ATP13A4: variants seen among roughly 807,000 people sequenced by gnomAD.
The protein encoded by ATP13A4 is ATPase 13A4.
Under a neutral mutation model 142.5 loss-of-function variants are expected in ATP13A4, and 114 were observed. The observed-to-expected ratio is 0.80, with a 90% CI of 0.69 to 0.93. The LOEUF (loss-of-function observed/expected upper bound fraction) is 0.93, where lower values mean the gene tolerates loss of function less well. ATP13A4 is among the 40% of genes least tolerant of loss of function. The pLI is 0.00. For missense variants in ATP13A4, 1,392 were observed against 1,454.0 expected (o/e 0.96, Z 0.69); for synonymous variants, 488 against 514.8 (o/e 0.95, Z 0.70).
chr3:193,412,005 A>G (rs1714787878), intron 27 of ATP13A4, among the ~76,000 whole-genome samples, 173 bp downstream of exon 27: 1 of 152,218 alleles, frequency 6.6e-6, no homozygotes, highest in Admixed American at 6.5e-5. Flanking sequence ...TTTGAAGGAA[A>G]GAGCAAAGAA....
chr3:193,442,739 T>C (rs995990394), intron 18 of ATP13A4, among the ~76,000 whole-genome samples, 183 bp from the exon 19 acceptor site: 10 of 152,218 alleles, frequency 6.6e-5, no homozygotes, highest in African/African-American at 2.4e-4. Context: ...TCTTACTGCT[T>C]TTCGTCAGGT....
intron 8 of ATP13A4, among the ~76,000 whole-genome samples, chr3:193,471,629 T>C (rs1413478401): frequency 1.3e-5 from 2 of 150,992 alleles, no homozygotes; most frequent in African/African-American, 4.9e-5. Flanking sequence ...TAAAAACAGA[T>C]CTCCAGCAAA....
upstream of ATP13A4, among the ~76,000 whole-genome samples, chr3:193,557,599 T>C (rs1265916166): frequency 6.6e-6 from 1 of 152,236 alleles, no homozygotes; most frequent in African/African-American, 2.4e-5. Context: ...AGACATTAAG[T>C]AATTTGCCTA....
At chr3:193,484,036 A>C (rs1719461636) in intron 7 of ATP13A4, 31 bp from the exon 8 acceptor site, 1 of 1,544,928 alleles carries the variant, frequency 6.5e-7, no homozygotes. Context: ...GAAAAGTCTT[A>C]TCTATTTGAG....
At chr3:193,559,056 G>C (rs890365052), upstream of ATP13A4, among the ~76,000 whole-genome samples, 1 of 152,166 alleles carries the variant, frequency 6.6e-6, no homozygotes, top group Non-Finnish European at 1.5e-5. Flanking sequence ...CCAGGGCCGT[G>C]GGGATGCTGA....
intron 1 of ATP13A4, among the ~76,000 whole-genome samples, chr3:193,551,922 C>T (rs1035948829): frequency 7.2e-5 from 11 of 152,152 alleles, no homozygotes; most frequent in Admixed American, 3.9e-4. Flanking sequence ...CCTAGGGTTG[C>T]TCTTTAGTTC....
At chr3:193,579,676 A>G (rs1724491213) in intron 2 of ATP13A4, among the ~76,000 whole-genome samples, 2 of 152,070 alleles carry the variant, frequency 1.3e-5, no homozygotes, top group African/African-American at 4.8e-5. Context: ...TTTCTATGCC[A>G]GCCCTTACAA....
chr3:193,411,004 G>A lies in ATP13A4; in HGVS notation c.3275C>T (p.Pro1092Leu). Residue 1092 changes from proline (P) to leucine (L), a missense_variant, in exon 28 of 30, where the codon CCA becomes CTA. Coordinates refer to ENST00000342695, the MANE Select transcript of ATP13A4 (RefSeq NM_032279.4). ...VCLFILFADIPELYRRLDLLC... is the reference protein window; with the variant it reads ...VCLFILFADILELYRRLDLLC... ...TACATCCAAACGTCTATATAATTCT[G>A]GTATATCAGCAAATAGAATGAATAG... is the stretch of plus-strand genomic sequence containing the variant. 6.2e-7 allele frequency: 1 copy of A among 1,606,992 alleles called. No homozygotes were observed. Among genetic ancestry groups the A allele is most frequent in the Non-Finnish European group, 8.5e-7 (1 of 1,174,050 alleles).
chr3:193,483,047 C>T (rs1719384182), intron 8 of ATP13A4, among the ~76,000 whole-genome samples: 1 of 151,842 alleles, frequency 6.6e-6, no homozygotes, highest in Admixed American at 6.6e-5. Context: ...CTGAGATAGC[C>T]TCAGAAATAA....
intron 7 of ATP13A4, among the ~76,000 whole-genome samples, chr3:193,488,778 T>C (rs1719780513): frequency 6.6e-6 from 1 of 152,096 alleles, no homozygotes; most frequent in Non-Finnish European, 1.5e-5. Context: ...GAGAAGAAAT[T>C]GTTTTGTTTG....
At chr3:193,567,196 A>C (rs981617885) in intron 2 of ATP13A4, among the ~76,000 whole-genome samples, 1 of 152,246 alleles carries the variant, frequency 6.6e-6, no homozygotes, top group Non-Finnish European at 1.5e-5. Context: ...AATGAAAAAC[A>C]AGATATGCAT....
upstream of ATP13A4, among the ~76,000 whole-genome samples, chr3:193,559,053 C>T (rs967027765): frequency 6.6e-6 from 1 of 152,084 alleles, no homozygotes; most frequent in African/African-American, 2.4e-5. Context: ...CTGCCAGGGC[C>T]GTGGGGATGC....
In ATP13A4 at chr3:193,530,793, C is replaced by A. The variant is rs371668840; in HGVS notation, c.61-15922G>T. On this transcript the variant is annotated intron_variant, in intron 1 of 29. Coordinates refer to ENST00000342695, the MANE Select transcript of ATP13A4 (RefSeq NM_032279.4). The stretch of plus-strand genomic sequence containing the variant: ...TAATGTCCAGGAACTTCAGGCAAAC[C>A]AGAATGGTTAGGCACATACTTAAAA... Among the ~76,000 whole-genome samples, 5 of 152,130 alleles carry A rather than the reference C, an allele frequency of 3.3e-5. No homozygotes were observed. In the East Asian group the frequency reaches 9.6e-4, roughly 29 times the overall value.
intron 7 of ATP13A4, among the ~76,000 whole-genome samples, chr3:193,484,978 T>A (rs1719517958): frequency 6.6e-6 from 1 of 151,420 alleles, no homozygotes. Context: ...AAGATCTGAG[T>A]AGGAGTTATT....
rs142602571 is a variant in ATP13A4, at chr3:193,528,572, A to G, written c.61-13701T>C. Among the ~76,000 whole-genome samples, 94 of 152,288 alleles carry G rather than the reference A, an allele frequency of 6.2e-4. No homozygotes were observed. In the East Asian group the frequency reaches 0.017, roughly 27 times the overall value. On this transcript the variant is annotated intron_variant, in intron 1 of 29. Transcript: ENST00000342695. ...AATAGTGGGGCATAAGGAAGACCAT[A>G]ATTTCTACCTTTTTCAAATACCCTG... is the stretch of plus-strand genomic sequence containing the variant.
chr3:193,532,480 A>G (rs1372013447), intron 1 of ATP13A4, among the ~76,000 whole-genome samples: 2 of 150,744 alleles, frequency 1.3e-5, no homozygotes, highest in Admixed American at 1.3e-4. Context: ...GGCTGAAGGG[A>G]AAGCTAAAAA....
chr3:193,429,696 A>G (rs1375430631), intron 25 of ATP13A4, among the ~76,000 whole-genome samples: 2 of 151,974 alleles, frequency 1.3e-5, no homozygotes, highest in African/African-American at 4.8e-5. Context: ...GAAAATATAT[A>G]GTGGTGATGA....
At chr3:193,480,701 C>G (rs527961964) in intron 8 of ATP13A4, among the ~76,000 whole-genome samples, 1 of 152,106 alleles carries the variant, frequency 6.6e-6, no homozygotes, top group Non-Finnish European at 1.5e-5. Context: ...AGTAAAACTG[C>G]TATGGAAAAC....
intron 1 of ATP13A4, among the ~76,000 whole-genome samples, chr3:193,587,832 G>T (rs1351969523): frequency 6.6e-6 from 1 of 151,990 alleles, no homozygotes; most frequent in Non-Finnish European, 1.5e-5. Context: ...AAAACTATGG[G>T]TTATGCCATA....
Sources: gnomAD v4.1 joint callset for allele counts (sites outside exome capture counted in the v4.1 genomes callset) on GRCh38, gnomAD v4.1.1 for gene constraint, MANE v1.5 for transcripts, NCBI Gene and HGNC (gene_info 2026-07-23, HGNC 2026-07-21) for gene names.